PDE8B: variants seen among roughly 807,000 people sequenced by gnomAD.
PDE8B encodes the protein phosphodiesterase 8B.
In PDE8B, 26 loss-of-function variants were observed where a neutral mutation model predicts 101.3. That is an observed-to-expected ratio of 0.26 (90% confidence interval 0.19 to 0.36). The LOEUF (loss-of-function observed/expected upper bound fraction) is 0.36, where lower values mean the gene tolerates loss of function less well. PDE8B is among the 10% of genes least tolerant of loss of function. The pLI, the probability that PDE8B is intolerant of heterozygous loss-of-function variation, is 1.00. For synonymous variants in PDE8B, 424 were observed against 429.3 expected (o/e 0.99, Z 0.15); for missense variants, 810 against 1,163.1 (o/e 0.70, Z 4.42).
chr5:77,102,464 C>G, the PDE8B span, among the ~76,000 whole-genome samples: 4 of 152,286 alleles, frequency 2.6e-5, no homozygotes, highest in African/African-American at 9.6e-5. Context: ...GTCCCTACCT[C>G]CTTAGGTTGT....
At chr5:77,094,212 G>T in the PDE8B span, among the ~76,000 whole-genome samples, 4 of 152,290 alleles carry the variant, frequency 2.6e-5, no homozygotes, top group East Asian at 7.7e-4. Flanking sequence ...ACTTTTCTAA[G>T]TGATGACACC....
the PDE8B span, among the ~76,000 whole-genome samples, chr5:77,103,057 C>T: frequency 9.2e-5 from 14 of 152,304 alleles, no homozygotes; most frequent in East Asian, 2.5e-3. Flanking sequence ...ATGGCCCCAC[C>T]GCCATCTTGC....
chr5:77,422,001 T>G lies in PDE8B; in HGVS notation c.2418+13T>G, dbSNP rs1445951722. On this transcript the variant is annotated intron_variant, in intron 20 of 21. Coordinates refer to ENST00000264917, the MANE Select transcript of PDE8B (RefSeq NM_003719.5). ...GTATTTTGCACAGGTGCGCCATCTTTCCAGGGAAGCTCCACTTCCCCTCTG... is the reference window on the plus strand; with the variant it reads ...GTATTTTGCACAGGTGCGCCATCTTGCCAGGGAAGCTCCACTTCCCCTCTG... 1.2e-6 allele frequency: 2 copies of G among 1,612,888 alleles called. No individual in the cohort carries two copies. The highest frequency in any genetic ancestry group is 2.7e-5 in the African/African-American group (2 of 74,924).
chr5:77,263,040 A>C (rs541483458), intron 1 of PDE8B, among the ~76,000 whole-genome samples: 3 of 152,358 alleles, frequency 2.0e-5, no homozygotes, highest in African/African-American at 7.2e-5. Flanking sequence ...CACTTCATAG[A>C]AATACACTGA....
the PDE8B span, among the ~76,000 whole-genome samples, chr5:77,095,903 C>G: frequency 2.0e-5 from 3 of 152,166 alleles, no homozygotes; most frequent in African/African-American, 7.2e-5. Flanking sequence ...CTTCATGCCT[C>G]AAACTAGACC....
chr5:77,089,649 C>G, the PDE8B span, among the ~76,000 whole-genome samples: 1 of 152,208 alleles, frequency 6.6e-6, no homozygotes, highest in Admixed American at 6.5e-5. Flanking sequence ...AGGACACTTA[C>G]AGCTACGGAC....
chr5:77,185,334 G>T, the PDE8B span, among the ~76,000 whole-genome samples: 1 of 152,052 alleles, frequency 6.6e-6, no homozygotes, highest in Non-Finnish European at 1.5e-5. Context: ...CAGCAGCATT[G>T]GTTAATTCTG....
intron 12 of PDE8B, among the ~76,000 whole-genome samples, chr5:77,405,027 G>C (rs983624638): frequency 3.3e-5 from 5 of 152,182 alleles, no homozygotes; most frequent in Admixed American, 1.3e-4. Context: ...CTTGTTCCTT[G>C]ATGGCTTGAA....
the PDE8B span, among the ~76,000 whole-genome samples, chr5:77,174,753 T>G: frequency 6.6e-6 from 1 of 152,118 alleles, no homozygotes; most frequent in Non-Finnish European, 1.5e-5. Flanking sequence ...CACCCTCTTC[T>G]CCTTTCTGAT....
chr5:77,212,387 T>G (rs1748650866), intron 1 of PDE8B, among the ~76,000 whole-genome samples: 1 of 151,848 alleles, frequency 6.6e-6, no homozygotes, highest in East Asian at 1.9e-4. Flanking sequence ...AGTGGAGGAG[T>G]GAGGAGAAGG....
the PDE8B span, among the ~76,000 whole-genome samples, chr5:77,096,280 C>T: frequency 1.4e-4 from 22 of 152,314 alleles, no homozygotes; most frequent in Admixed American, 7.8e-4. Flanking sequence ...TGAGCCACCG[C>T]GCTGAGCATG....
chr5:77,353,246 C>T, intron 9 of PDE8B, 100 bp from the exon 10 acceptor site: 1 of 766,618 alleles, frequency 1.3e-6, no homozygotes. Flanking sequence ...CTAGGACGAA[C>T]CCTGGAGTTT....
At position 77,210,709 on chromosome 5, in the gene PDE8B, A is replaced by C. The variant is rs1748074002; in HGVS notation, c.-217A>C. ...ATGCGCGCTCCCCCGCTCGGGGAGG[A>C]AGATGGCCCAAAAGGGAAAGTTGGG... On this transcript the variant is annotated 5_prime_UTR_variant, in exon 1 of 22. Transcript: ENST00000264917. This position sits in a 1 kb window ranked among gnomAD's most constrained non-coding sequence, Gnocchi z 4.9. 1.0e-6 allele frequency: 1 copy of C among 980,120 alleles called. No homozygotes were observed. Among genetic ancestry groups the C allele is most frequent in the Non-Finnish European group, 1.2e-6 (1 of 827,866 alleles). 60.7% of individuals were successfully genotyped at this position (980,120 alleles called of 1,614,324 possible). A position where few individuals can be genotyped will look rare whatever the true frequency, so the allele number is the denominator to read the frequency against.
chr5:77,325,163 G>T (rs535589268), intron 2 of PDE8B, among the ~76,000 whole-genome samples: 1 of 58,898 alleles, frequency 1.7e-5, no homozygotes, highest in Admixed American at 1.7e-4. Context: ...TGGTTGTTTT[G>T]GGGGGATTGT....
At chr5:77,340,961 A>G (rs1779113784) in intron 6 of PDE8B, among the ~76,000 whole-genome samples, 1 of 152,168 alleles carries the variant, frequency 6.6e-6, no homozygotes, top group Admixed American at 6.5e-5. Flanking sequence ...GGTTCCCACA[A>G]CTAGGTTACT....
At chr5:77,101,584 C>T in the PDE8B span, among the ~76,000 whole-genome samples, 1 of 152,050 alleles carries the variant, frequency 6.6e-6, no homozygotes, top group Non-Finnish European at 1.5e-5. Context: ...ACCTAAGTTT[C>T]TCTTGTCCTC....
chr5:77,366,873 G>GC (rs569754137), intron 10 of PDE8B, among the ~76,000 whole-genome samples: 1 of 152,082 alleles, frequency 6.6e-6, no homozygotes, highest in African/African-American at 2.4e-5. Context: ...CTGGATGGCA[G>GC]CCCCCCGGTG....
chr5:77,425,994 A>T (rs1336601627), intron 21 of PDE8B, 98 bp downstream of exon 21: 1 of 1,264,858 alleles, frequency 7.9e-7, no homozygotes, highest in Non-Finnish European at 1.1e-6. Flanking sequence ...AACAAAATAT[A>T]TTTTTAAAAA....
At chr5:77,404,083 G>A (rs779726759) in intron 11 of PDE8B, among the ~76,000 whole-genome samples, 1 of 152,176 alleles carries the variant, frequency 6.6e-6, no homozygotes, top group Non-Finnish European at 1.5e-5. Flanking sequence ...TGCGTGCTGG[G>A]TTCAAGCGAG....
Sources: gnomAD v4.1 joint callset for allele counts (sites outside exome capture counted in the v4.1 genomes callset) on GRCh38, gnomAD v4.1.1 for gene constraint, Gnocchi (gnomAD v3.1) non-coding constraint, MANE v1.5 for transcripts, NCBI Gene and HGNC (gene_info 2026-07-23, HGNC 2026-07-21) for gene names.